CCDC102B: variants seen among roughly 807,000 people sequenced by gnomAD.
The protein encoded by CCDC102B is coiled-coil domain containing 102B, also known as coiled-coil domain-containing protein 102B.
Under a neutral mutation model 57.4 loss-of-function variants are expected in CCDC102B, and 75 were observed. The ratio of observed to expected loss-of-function variants is 1.31; its 90% CI spans 1.08 to 1.58. The LOEUF is 1.58. Among genes scored for constraint, CCDC102B ranks in the 40% most tolerant of loss-of-function variants. The pLI is 0.00. For missense variants in CCDC102B, 636 were observed against 582.6 expected, an observed-to-expected ratio of 1.09 and a Z score of -0.94; for synonymous variants, 206 against 201.9, an observed-to-expected ratio of 1.02 and a Z score of -0.17.
intron 1 of CCDC102B, among the ~76,000 whole-genome samples, chr18:68,826,545 C>G (rs2036910459): frequency 6.6e-6 from 1 of 152,102 alleles, no homozygotes; most frequent in African/African-American, 2.4e-5. Context: ...AGAAGCAGGT[C>G]ACAGGGCCAG....
chr18:68,915,971 A>T (rs992619827), intron 6 of CCDC102B, among the ~76,000 whole-genome samples: 1 of 152,210 alleles, frequency 6.6e-6, no homozygotes, highest in Non-Finnish European at 1.5e-5. Context: ...AATAACAGAG[A>T]CAAGGAATAT....
At chr18:68,753,304 T>C (rs932120793) in intron 2 of CCDC102B, 2 of 152,180 alleles carry the variant, frequency 1.3e-5, no homozygotes, top group African/African-American at 4.8e-5. Context: ...AGGTATTCTT[T>C]GGAATTTTGT....
rs531065126 is a variant in CCDC102B, at chr18:68,855,887, G to T, written c.936+9466G>T. ...TTCTCTTTCCCATAGGAAAAATTCAGGTGTGTTAGTCATGTCTGAGGCAAG... is the reference window on the plus strand; with the variant it reads ...TTCTCTTTCCCATAGGAAAAATTCATGTGTGTTAGTCATGTCTGAGGCAAG... On this transcript the variant is annotated intron_variant, in intron 4 of 7. Transcript: ENST00000360242. 8.0e-4 allele frequency among the ~76,000 whole-genome samples: 121 copies of T among 152,100 alleles called. 1 individual carries two copies. Among genetic ancestry groups the T allele is most frequent in the Admixed American group, 1.3e-3 (20 of 15,290 alleles).
chr18:68,998,750 T>A (rs2051106680), intron 6 of CCDC102B, among the ~76,000 whole-genome samples: 1 of 151,884 alleles, frequency 6.6e-6, no homozygotes, highest in Non-Finnish European at 1.5e-5. Context: ...TCAGTCAGTC[T>A]AGTCTTTCCA....
intron 6 of CCDC102B, among the ~76,000 whole-genome samples, chr18:68,914,600 C>G (rs563312172): frequency 6.6e-6 from 1 of 152,244 alleles, no homozygotes; most frequent in East Asian, 1.9e-4. Context: ...GCTGGAGGTG[C>G]CCTTGACCAT....
At position 68,721,957 on chromosome 18, in the gene CCDC102B, T is replaced by A. The variant is rs562078913; in HGVS notation, c.-67+5363T>A. ...GGTGAGCCAGCTAAGCCTGAGGTTA[T>A]AACCTGCTACAACTAAGAAGATAAT... On this transcript the variant is annotated intron_variant, in intron 2 of 3. Transcript: ENST00000578970. Among the ~76,000 whole-genome samples, 159 of 152,330 alleles carry A rather than the reference T, an allele frequency of 1.0e-3. 1 individual carries two copies. The highest frequency in any genetic ancestry group is 1.7e-3 in the Non-Finnish European group (118 of 68,032).
At chr18:68,943,785 G>A (rs748434143) in intron 6 of CCDC102B, among the ~76,000 whole-genome samples, 25 of 152,138 alleles carry the variant, frequency 1.6e-4, no homozygotes, top group Non-Finnish European at 2.9e-4. Context: ...TCTCTAGGCC[G>A]GAGGAAGGGG....
chr18:68,944,927 G>T (rs1320084419), intron 6 of CCDC102B, among the ~76,000 whole-genome samples: 3 of 151,914 alleles, frequency 2.0e-5, no homozygotes, highest in Non-Finnish European at 2.9e-5. Flanking sequence ...TCAGTTGTGG[G>T]CAATCTCTTG....
chr18:68,952,779 C>G (rs758028179), intron 6 of CCDC102B, among the ~76,000 whole-genome samples: 1 of 152,108 alleles, frequency 6.6e-6, no homozygotes, highest in African/African-American at 2.4e-5. Flanking sequence ...TATGTGCCAA[C>G]AAAAACTGTT....
chr18:69,011,061 G>A lies in CCDC102B; in HGVS notation c.1391G>A (p.Arg464Gln), dbSNP rs368149502. The part of the protein sequence containing the change: ...NEAEVKKLRL[R>Q]VEELKQGLNQ... ...GCAGAAGTAAAGAAACTAAGATTAC[G>A]AGTGGAAGAACTAAAGCAGGGACTC... is the stretch of plus-strand genomic sequence containing the variant. Residue 464 changes from arginine to glutamine, a missense_variant, in exon 7 of 8, where the codon CGA (arginine) becomes CAA (glutamine). Transcript: ENST00000360242. The A allele has an allele frequency of 2.1e-4, 340 of 1,613,738 alleles. 2 individuals carry two copies. Among genetic ancestry groups the A allele is most frequent in the Middle Eastern group, 8.2e-4 (5 of 6,080 alleles).
In CCDC102B at chr18:69,054,457, A is replaced by C; in HGVS notation, c.*320A>C. ...GTTATAATATCGGTAAGAAAAAGTA[A>C]GTTGAAAACCATACAAGACGCTGGG... is the stretch of plus-strand genomic sequence containing the variant. On this transcript the variant is annotated 3_prime_UTR_variant, in exon 8 of 8. Coordinates refer to ENST00000360242, the MANE Select transcript of CCDC102B (RefSeq NM_024781.3). The C allele has an allele frequency of 9.8e-7, 1 of 1,025,632 alleles. No homozygotes were observed. 63.5% of individuals were successfully genotyped at this position (1,025,632 alleles called of 1,614,324 possible). A position where few individuals can be genotyped will look rare whatever the true frequency, so the allele number is the denominator to read the frequency against.
chr18:68,914,338 G>C lies in CCDC102B; in HGVS notation c.1263+16910G>C, dbSNP rs573302138. On this transcript the variant is annotated intron_variant, in intron 6 of 7. Transcript: ENST00000360242. Reference sequence around the variant, plus strand: ...AGGCTGAGTGACTGCGGGTGTGTGAGTGGCCCTGCAGTGGGACGGTGTCTT... The same window carrying C: ...AGGCTGAGTGACTGCGGGTGTGTGACTGGCCCTGCAGTGGGACGGTGTCTT... Among the ~76,000 whole-genome samples the C allele has an allele frequency of 5.9e-5, 9 of 152,300 alleles. No individual in the cohort carries two copies. The South Asian group carries it at 1.9e-3, about 32-fold the overall frequency.
At chr18:68,998,591 CCCA>C (rs2051100021) in intron 6 of CCDC102B, among the ~76,000 whole-genome samples, 1 of 6,990 alleles carries the variant, frequency 1.4e-4, no homozygotes. Context: ...TACCAAAACC[CCCA>C]AAGTAGGGAA....
chr18:68,923,551 T>C (rs1291538925), intron 6 of CCDC102B, among the ~76,000 whole-genome samples: 8 of 152,070 alleles, frequency 5.3e-5, no homozygotes, highest in African/African-American at 1.9e-4. Flanking sequence ...AGTTAGCTGA[T>C]AGGTATTTTA....
At chr18:68,944,585 C>G (rs1368319046) in intron 6 of CCDC102B, among the ~76,000 whole-genome samples, 1 of 151,920 alleles carries the variant, frequency 6.6e-6, no homozygotes, top group African/African-American at 2.4e-5. Context: ...GAGCAAAGCT[C>G]TCATGACCTC....
chr18:68,924,336 G>A (rs568976219), intron 6 of CCDC102B, among the ~76,000 whole-genome samples: 16 of 152,036 alleles, frequency 1.1e-4, no homozygotes, highest in Non-Finnish European at 1.9e-4. Flanking sequence ...GATAGTGGGT[G>A]AGTTCTCACG....
At chr18:69,019,223 A>AT (rs2051757541) in intron 7 of CCDC102B, among the ~76,000 whole-genome samples, 1 of 151,916 alleles carries the variant, frequency 6.6e-6, no homozygotes, top group Admixed American at 6.6e-5. Flanking sequence ...TATTTTGAGC[A>AT]TTTTTTTCTA....
intron 6 of CCDC102B, among the ~76,000 whole-genome samples, chr18:68,921,935 C>A (rs1414875739): frequency 6.6e-6 from 1 of 152,198 alleles, no homozygotes; most frequent in Non-Finnish European, 1.5e-5. Context: ...CACAACACCA[C>A]TACTCTTGGG....
intron 1 of CCDC102B, among the ~76,000 whole-genome samples, chr18:68,799,268 T>G (rs567128254): frequency 6.6e-6 from 1 of 152,276 alleles, no homozygotes; most frequent in South Asian, 2.1e-4. Context: ...TGTGACCTAT[T>G]TGAATATATT....
Sources: allele counts gnomAD v4.1 joint callset (sites outside exome capture counted in the v4.1 genomes callset), GRCh38; gene constraint gnomAD v4.1.1; transcripts MANE v1.5; gene names NCBI Gene and HGNC (gene_info 2026-07-23, HGNC 2026-07-21).